Variants in CBL observed in about 807,000 individuals in gnomAD.
CBL encodes Cbl proto-oncogene, also known as E3 ubiquitin-protein ligase CBL.
Under a neutral mutation model 96.9 loss-of-function variants are expected in CBL, and 45 were observed. The observed-to-expected ratio is 0.46, with a 90% CI of 0.37 to 0.60. The LOEUF (loss-of-function observed/expected upper bound fraction) is 0.60. Among genes scored for constraint, CBL ranks in the 20% least tolerant of loss-of-function variants. The pLI, the probability that CBL is intolerant of heterozygous loss-of-function variation, is 0.00. For missense variants in CBL, 1,024 were observed against 1,143.5 expected (o/e 0.90, Z 1.51); for synonymous variants, 420 against 426.8 (o/e 0.98, Z 0.20).
rs748209987 is a variant in CBL, at chr11:119,299,484, A to G, written c.2435-11A>G. ...CAGATTTGCAAATATTTTCTTTCCTATTTCTTCTAGATGTCACTGAAGGTT... is the reference window on the plus strand; with the variant it reads ...CAGATTTGCAAATATTTTCTTTCCTGTTTCTTCTAGATGTCACTGAAGGTT... On this transcript the variant is annotated splice_polypyrimidine_tract_variant and intron_variant, in intron 15 of 15. Coordinates refer to ENST00000264033, the MANE Select transcript of CBL (RefSeq NM_005188.4). The G allele has an allele frequency of 1.4e-5, 22 of 1,612,964 alleles. No individual in the cohort carries two copies. The highest frequency in any genetic ancestry group is 2.2e-5 in the East Asian group (1 of 44,884).
At chr11:119,279,480 CA>C (rs2135305584) in intron 9 of CBL, among the ~76,000 whole-genome samples, 2 of 134,812 alleles carry the variant, frequency 1.5e-5, no homozygotes, top group East Asian at 4.7e-4. Context: ...CCACTGCCCC[CA>C]TGCCCCCCCC....
chr11:119,272,201 A>C (rs1949854542), intron 3 of CBL, among the ~76,000 whole-genome samples: 1 of 152,122 alleles, frequency 6.6e-6, no homozygotes, highest in South Asian at 2.1e-4. Context: ...CACTTACTGC[A>C]AGCTCTGCCT....
At chr11:119,228,582 A>C (rs1393388969) in intron 1 of CBL, among the ~76,000 whole-genome samples, 2 of 150,728 alleles carry the variant, frequency 1.3e-5, no homozygotes, top group Admixed American at 1.3e-4. Context: ...CTCCAGCCTG[A>C]GCGACAAGAG....
intron 1 of CBL, among the ~76,000 whole-genome samples, chr11:119,208,275 C>T (rs767729781): frequency 6.6e-6 from 1 of 152,002 alleles, no homozygotes; most frequent in African/African-American, 2.4e-5. Flanking sequence ...AGAAAAAATA[C>T]TTTTCTAATG....
At chr11:119,245,956 C>CTT (rs71048054) in intron 2 of CBL, among the ~76,000 whole-genome samples, 1,610 of 54,300 alleles carry the variant, frequency 0.03, 328 homozygotes, top group Admixed American at 0.057. Context: ...CTTTGCAAAT[C>CTT]TTTTTTTTTT....
intron 9 of CBL, among the ~76,000 whole-genome samples, chr11:119,281,898 A>G (rs779404024): frequency 2.0e-5 from 3 of 152,114 alleles, no homozygotes; most frequent in Non-Finnish European, 4.4e-5. Flanking sequence ...TCATTGAGCT[A>G]GGTATGTAAT....
chr11:119,243,831 C>T (rs1398712126), intron 2 of CBL, among the ~76,000 whole-genome samples: 1 of 151,926 alleles, frequency 6.6e-6, no homozygotes, highest in Non-Finnish European at 1.5e-5. Flanking sequence ...CAGGTTCGAG[C>T]AATTCTCTTG....
chr11:119,302,104 T>A lies in CBL; in HGVS notation c.*2323T>A, dbSNP rs773942155. On this transcript the variant is annotated 3_prime_UTR_variant, in exon 16 of 16. Coordinates refer to ENST00000264033, the MANE Select transcript of CBL (RefSeq NM_005188.4). ...TCGACTTTTCCTTTTTTGAGTCCTG[T>A]GTGGCTCTTTGAATCAGCGTGAAAC... The A allele has an allele frequency of 6.0e-5, 14 of 232,944 alleles. No individual in the cohort carries two copies. Among genetic ancestry groups the A allele is most frequent in the African/African-American group, 3.1e-4 (14 of 45,346 alleles). The allele number at this position is 232,944 out of a possible 1,614,324, so 14.4% of individuals were successfully genotyped here.
chr11:119,215,675 A>G (rs183828779), intron 1 of CBL, among the ~76,000 whole-genome samples: 1 of 152,070 alleles, frequency 6.6e-6, no homozygotes, highest in East Asian at 1.9e-4. Flanking sequence ...GTCTCAAAAA[A>G]AAAAAGCCGA....
chr11:119,225,839 T>C (rs1208821879), intron 1 of CBL, among the ~76,000 whole-genome samples: 1 of 151,356 alleles, frequency 6.6e-6, no homozygotes, highest in Non-Finnish European at 1.5e-5. Context: ...CCGATTCTTC[T>C]GCCTCAGCCT....
chr11:119,206,467 C>G lies in CBL; in HGVS notation c.50C>G (p.Ser17Cys). Residue 17 changes from serine to cysteine, a missense_variant, in exon 1 of 16, where the codon TCC (serine) becomes TGC (cysteine). Ser to Cys is a moderately radical substitution (Grantham distance 112). This residue lies in a region of CBL where 114 missense variants were observed against 117.4 expected (regional missense o/e 0.97). Transcript: ENST00000264033. ...KSSGAGGGSG[S>C]GGSGSGGLIG... ...TCTGGGGCCGGGGGCGGCAGCGGCT[C>G]CGGGGGCTCGGGTTCGGGTGGCCTG... 1.3e-6 allele frequency: 2 copies of G among 1,576,038 alleles called. No homozygotes were observed. The highest frequency in any genetic ancestry group is 1.2e-5 in the South Asian group (1 of 86,584).
In CBL at chr11:119,301,464, C is replaced by T. The variant is rs1950101105; in HGVS notation, c.*1683C>T. On this transcript the variant is annotated 3_prime_UTR_variant, in exon 16 of 16. Coordinates refer to ENST00000264033, the MANE Select transcript of CBL (RefSeq NM_005188.4). The stretch of plus-strand genomic sequence containing the variant: ...CCTGCTCTTTGATAAATCTGTCTTC[C>T]TGAAAATCTAAATCATGCTTTTGTC... 1.7e-5 allele frequency: 4 copies of T among 232,788 alleles called. No individual in the cohort carries two copies. The highest frequency in any genetic ancestry group is 3.4e-5 in the Non-Finnish European group (4 of 117,912). The allele number at this position is 232,788 out of a possible 1,614,324, so 14.4% of individuals were successfully genotyped here.
In CBL at chr11:119,300,025, G is replaced by A; in HGVS notation, c.*244G>A. The stretch of plus-strand genomic sequence containing the variant: ...GTGTCCTTCAGTTCCCACGTAGAGA[G>A]AGTGTGGATTATATTACATGATAAC... On this transcript the variant is annotated 3_prime_UTR_variant, in exon 16 of 16. Transcript: ENST00000264033. 1 of 596,228 alleles carries A rather than the reference G, an allele frequency of 1.7e-6. No homozygotes were observed. The highest frequency in any genetic ancestry group is 2.0e-5 in the South Asian group (1 of 50,910). The allele number at this position is 596,228 out of a possible 1,614,324, so 36.9% of individuals were successfully genotyped here.
intron 2 of CBL, among the ~76,000 whole-genome samples, chr11:119,243,514 AATT>A (rs1949602964): frequency 1.3e-5 from 2 of 150,204 alleles, no homozygotes. Context: ...CAAAAAAAAA[AATT>A]TTTTTTTTTT....
intron 1 of CBL, among the ~76,000 whole-genome samples, chr11:119,213,672 C>T (rs1022483222): frequency 6.6e-6 from 1 of 152,054 alleles, no homozygotes; most frequent in Non-Finnish European, 1.5e-5. Flanking sequence ...GAGGGCCAAG[C>T]GGGTGACTTG....
At chr11:119,291,906 G>A (rs1384781877) in intron 12 of CBL, among the ~76,000 whole-genome samples, 2 of 151,928 alleles carry the variant, frequency 1.3e-5, no homozygotes, top group Non-Finnish European at 2.9e-5. Flanking sequence ...ACCCAGGCTG[G>A]AATGCAATGC....
rs755966220 is a variant in CBL, at chr11:119,277,805, A to G, written c.1056A>G (p.Leu352=). ...GRNQNPDLTG[L]CEPTPQDHIK... ...ATCAGAATCCTGATCTGACTGGCTT[A>G]TGTGAACCAACTCCCCAAGACCATA... Residue 352 remains leucine, a synonymous_variant, in exon 7 of 16, where the codon TTA becomes TTG. Transcript: ENST00000264033. 4 of 1,614,044 alleles carry G rather than the reference A, an allele frequency of 2.5e-6. No homozygotes were observed. Among genetic ancestry groups the G allele is most frequent in the East Asian group, 4.5e-5 (2 of 44,870 alleles).
intron 2 of CBL, among the ~76,000 whole-genome samples, chr11:119,268,554 G>A (rs913504089): frequency 6.6e-6 from 1 of 152,194 alleles, no homozygotes; most frequent in Non-Finnish European, 1.5e-5. Context: ...GAGGAAATGT[G>A]GTAGAGTAGA....
rs1006027418 is a variant in CBL at position 119,307,805 on chromosome 11, G to C, written c.*8024G>C. Reference sequence around the variant, plus strand: ...GTCCCAATTTGTATATCAGTGTTAAGAAGAAAACAAAACAAACACATAGGT... The same window carrying C: ...GTCCCAATTTGTATATCAGTGTTAACAAGAAAACAAAACAAACACATAGGT... On this transcript the variant is annotated 3_prime_UTR_variant, in exon 16 of 16. Coordinates refer to ENST00000264033, the MANE Select transcript of CBL (RefSeq NM_005188.4). The C allele has an allele frequency of 3.7e-5, 8 of 213,450 alleles. No homozygotes were observed. The highest frequency in any genetic ancestry group is 1.8e-4 in the African/African-American group (8 of 44,188). The allele number at this position is 213,450 out of a possible 1,614,324, so 13.2% of individuals were successfully genotyped here. A position where few individuals can be genotyped will look rare whatever the true frequency, so the allele number is the denominator to read the frequency against.
Sources: allele counts gnomAD v4.1 joint callset (sites outside exome capture counted in the v4.1 genomes callset), GRCh38; gene constraint gnomAD v4.1.1; regional missense constraint gnomAD v4.1.1; transcripts MANE v1.5; gene names NCBI Gene and HGNC (gene_info 2026-07-23, HGNC 2026-07-21).